CA12: variants seen among roughly 807,000 people sequenced by gnomAD.
CA12 encodes carbonate dehydratase XII.
CA12 carries 36 observed loss-of-function variants against 46.8 expected under a neutral mutation model. That is an observed-to-expected ratio of 0.77 (90% confidence interval 0.59 to 1.02). The LOEUF (loss-of-function observed/expected upper bound fraction) is 1.02, where lower values mean the gene tolerates loss of function less well. CA12 is among the 50% of genes least tolerant of loss of function. The pLI is 0.00. For missense variants in CA12, 436 were observed against 451.4 expected (o/e 0.97, Z 0.31); for synonymous variants, 202 against 187.0 (o/e 1.08, Z -0.65).
chr15:63,340,910 T>C lies in CA12; in HGVS notation c.526-127A>G, dbSNP rs989016036. The C allele has an allele frequency of 1.7e-5, 13 of 761,816 alleles. No homozygotes were observed. Among genetic ancestry groups the C allele is most frequent in the Non-Finnish European group, 2.3e-5 (10 of 425,652 alleles). The allele number at this position is 761,816 out of a possible 1,614,324, so 47.2% of individuals were successfully genotyped here. ...CCACTGCCTGAAGGATCCACTTTAC[T>C]GGACAATTATGATGGATCACTAGGC... On this transcript the variant is annotated intron_variant, in intron 5 of 10. Transcript: ENST00000178638. The surrounding 1 kb of genome is among the most constrained non-coding windows in gnomAD (Gnocchi z 4.4).
rs149132405 is a variant in CA12, at chr15:63,352,337, G to A, written c.107-5628C>T. ...CTCCCAAAGTGCTGGGAATACAGGC[G>A]CGAGCCACCGCACCCAGCCTGTGTT... is the stretch of plus-strand genomic sequence containing the variant. On this transcript the variant is annotated intron_variant, in intron 2 of 10. Coordinates refer to ENST00000178638, the MANE Select transcript of CA12 (RefSeq NM_001218.5). 4.4e-3 allele frequency among the ~76,000 whole-genome samples: 674 copies of A among 152,350 alleles called. 5 individuals are homozygous for A. The highest frequency in any genetic ancestry group is 6.4e-3 in the Non-Finnish European group (436 of 68,034).
rs754168299 is a variant in CA12, at chr15:63,330,520, G to A, written c.875-2390C>T. On this transcript the variant is annotated intron_variant, in intron 8 of 10. Coordinates refer to ENST00000178638, the MANE Select transcript of CA12 (RefSeq NM_001218.5). This position sits in a 1 kb window ranked among gnomAD's most constrained non-coding sequence, Gnocchi z 4.0. ...CTTACCACCTGGCTAAGCCATCCAG[G>A]CTGGATGGTTTCTAAAGTCATCTCT... 3.9e-4 allele frequency among the ~76,000 whole-genome samples: 59 copies of A among 152,160 alleles called. No homozygotes were observed. Among genetic ancestry groups the A allele is most frequent in the Non-Finnish European group, 6.8e-4 (46 of 68,030 alleles).
Position 63,345,516 on chromosome 15 carries a change from G to A in CA12, c.390C>T (p.Gly130=). The change falls in exon 4 of 11, where the codon GGC becomes GGT. Residue 130 remains glycine (G), a synonymous_variant. Coordinates refer to ENST00000178638, the MANE Select transcript of CA12 (RefSeq NM_001218.5). This position sits in a 1 kb window ranked among gnomAD's most constrained non-coding sequence, Gnocchi z 4.3. ...LHWGNPNDPH[G]SEHTVSGQHF... The stretch of plus-strand genomic sequence containing the variant: ...GCTGTCCGCTGACGGTGTGCTCAGA[G>A]CCGTGCGGGTCATTCGGGTTCCCCC... The A allele has an allele frequency of 6.2e-7, 1 of 1,611,990 alleles. No homozygotes were observed. Among genetic ancestry groups the A allele is most frequent in the South Asian group, 1.1e-5 (1 of 91,074 alleles).
At chr15:63,347,788 G>C (rs1481001288) in intron 2 of CA12, among the ~76,000 whole-genome samples, 1 of 152,188 alleles carries the variant, frequency 6.6e-6, no homozygotes, top group Admixed American at 6.5e-5. Flanking sequence ...GTAGACCCAG[G>C]GTGTCCTGTG....
rs374714507 is a variant in CA12 at position 63,367,172 on chromosome 15, C to T, written c.106+8486G>A. ...CTGACCTCAAGTGATCCACCCGCCT[C>T]GGCCTCCCAAGGTGCTGGGATTACA... On this transcript the variant is annotated intron_variant, in intron 2 of 10. Coordinates refer to ENST00000178638, the MANE Select transcript of CA12 (RefSeq NM_001218.5). Among the ~76,000 whole-genome samples, 20 of 152,270 alleles carry T rather than the reference C, an allele frequency of 1.3e-4. 1 individual carries two copies. Among genetic ancestry groups the T allele is most frequent in the Admixed American group, 7.8e-4 (12 of 15,294 alleles).
chr15:63,327,135 C>T lies in CA12; in HGVS notation c.992+14G>A. ...ATAGCTGTCCATTCCCATTTTGGACCCAAACCAGCTCACCTCTTCCTTCTG... is the reference window on the plus strand; with the variant it reads ...ATAGCTGTCCATTCCCATTTTGGACTCAAACCAGCTCACCTCTTCCTTCTG... On this transcript the variant is annotated intron_variant, in intron 10 of 10. Coordinates refer to ENST00000178638, the MANE Select transcript of CA12 (RefSeq NM_001218.5). This position sits in a 1 kb window ranked among gnomAD's most constrained non-coding sequence, Gnocchi z 4.5. The T allele has an allele frequency of 6.2e-7, 1 of 1,612,304 alleles. No homozygotes were observed. Among genetic ancestry groups the T allele is most frequent in the Non-Finnish European group, 8.5e-7 (1 of 1,178,450 alleles).
chr15:63,337,849 T>C (rs2039023012), intron 8 of CA12, among the ~76,000 whole-genome samples: 1 of 152,180 alleles, frequency 6.6e-6, no homozygotes, highest in East Asian at 1.9e-4. Flanking sequence ...AGTGCTGGGA[T>C]TGCAGGTGAG....
intron 2 of CA12, among the ~76,000 whole-genome samples, chr15:63,358,019 A>G (rs1162637174): frequency 6.6e-5 from 10 of 152,216 alleles, no homozygotes; most frequent in African/African-American, 2.4e-4. Flanking sequence ...AAGGGCCTTC[A>G]TGCCTTTTTA....
intron 1 of CA12, among the ~76,000 whole-genome samples, chr15:63,379,860 G>T (rs185697162): frequency 6.6e-6 from 1 of 152,256 alleles, no homozygotes; most frequent in East Asian, 1.9e-4. Flanking sequence ...CCAAAGCCAC[G>T]GCAACTAAGA....
intron 8 of CA12, among the ~76,000 whole-genome samples, chr15:63,332,870 T>A (rs184300265): frequency 4.8e-4 from 73 of 152,342 alleles, no homozygotes; most frequent in African/African-American, 1.7e-3. Context: ...CCAGGCACCA[T>A]GCCAGGCATA....
chr15:63,345,207 C>T lies in CA12; in HGVS notation c.429+270G>A, dbSNP rs2039130082. Among the ~76,000 whole-genome samples, 1 of 152,202 alleles carries T rather than the reference C, an allele frequency of 6.6e-6. No homozygotes were observed. The highest frequency in any genetic ancestry group is 2.4e-5 in the African/African-American group (1 of 41,458). ...GGGCATGTATGTCCCACTGGGCCAC[C>T]CTGGGAATACTGCCTCCCCAGCAGC... On this transcript the variant is annotated intron_variant, in intron 4 of 10. Transcript: ENST00000178638. The surrounding 1 kb of genome is among the most constrained non-coding windows in gnomAD (Gnocchi z 4.3).
chr15:63,351,685 C>CA (rs2039234257), intron 2 of CA12, among the ~76,000 whole-genome samples: 1 of 152,212 alleles, frequency 6.6e-6, no homozygotes, highest in Non-Finnish European at 1.5e-5. Flanking sequence ...GTCCACTCTT[C>CA]AAAGTCCAGC....
intron 2 of CA12, among the ~76,000 whole-genome samples, chr15:63,354,510 G>A (rs2039271325): frequency 6.6e-6 from 1 of 152,132 alleles, no homozygotes; most frequent in East Asian, 1.9e-4. Context: ...GATCAGTTGA[G>A]CCCAGGAGTT....
Position 63,346,575 on chromosome 15 carries a change from G to A in CA12, c.241C>T (p.Leu81=), listed in dbSNP as rs779351765. The A allele has an allele frequency of 6.2e-7, 1 of 1,612,112 alleles. No individual in the cohort carries two copies. Among genetic ancestry groups the A allele is most frequent in the Non-Finnish European group, 8.5e-7 (1 of 1,178,976 alleles). ...LTPLEFQGYN[L]SANKQFLLTN... Reference sequence around the variant, plus strand: ...AGGAGAAACTGCTTGTTGGCAGACAGATTGTAGCCTTGGAACTCGAGGGGC... The same window carrying A: ...AGGAGAAACTGCTTGTTGGCAGACAAATTGTAGCCTTGGAACTCGAGGGGC... The change falls in exon 3 of 11, where the codon CTG becomes TTG. Residue 81 remains leucine, a synonymous_variant. Transcript: ENST00000178638.
At chr15:63,356,875 C>A (rs747218034) in intron 2 of CA12, among the ~76,000 whole-genome samples, 3 of 152,282 alleles carry the variant, frequency 2.0e-5, no homozygotes, top group Non-Finnish European at 2.9e-5. Context: ...AAAGAGATAC[C>A]TGTACACCTG....
rs987753963 is a variant in CA12 at position 63,331,280 on chromosome 15, A to G, written c.875-3150T>C. ...AGAACTAGAACCTGAGTGCGAAGCC[A>G]AAGCCTGTTTCCCAGCAGAGCCTCG... is the stretch of plus-strand genomic sequence containing the variant. On this transcript the variant is annotated intron_variant, in intron 8 of 10. Transcript: ENST00000178638. The surrounding 1 kb of genome is among the most constrained non-coding windows in gnomAD (Gnocchi z 5.3). 1.3e-5 allele frequency among the ~76,000 whole-genome samples: 2 copies of G among 152,252 alleles called. No homozygotes were observed. Among genetic ancestry groups the G allele is most frequent in the Non-Finnish European group, 2.9e-5 (2 of 68,038 alleles).
Position 63,327,294 on chromosome 15 carries a change from G to C in CA12, c.908-61C>G. 1.5e-6 allele frequency: 2 copies of C among 1,336,366 alleles called. No individual in the cohort carries two copies. The highest frequency in any genetic ancestry group is 2.1e-6 in the Non-Finnish European group (2 of 941,504). The allele number at this position is 1,336,366 out of a possible 1,614,324, so 82.8% of individuals were successfully genotyped here. A position where few individuals can be genotyped will look rare whatever the true frequency, so the allele number is the denominator to read the frequency against. On this transcript the variant is annotated intron_variant, in intron 9 of 10. Coordinates refer to ENST00000178638, the MANE Select transcript of CA12 (RefSeq NM_001218.5). The surrounding 1 kb of genome is among the most constrained non-coding windows in gnomAD (Gnocchi z 4.5). ...TCCTTCCCCTCCATCTTAGCCCATGGCCCCCGGGTGTGAAATCATGGCCCA... is the reference window on the plus strand; with the variant it reads ...TCCTTCCCCTCCATCTTAGCCCATGCCCCCCGGGTGTGAAATCATGGCCCA...
chr15:63,332,317 A>AGTAG (rs2038947240), intron 8 of CA12, among the ~76,000 whole-genome samples: 1 of 152,256 alleles, frequency 6.6e-6, no homozygotes, highest in African/African-American at 2.4e-5. Context: ...GCAACCCAAA[A>AGTAG]CAAGAATTGC....
At position 63,374,197 on chromosome 15, in the gene CA12, C is replaced by A. The variant is rs2039542483; in HGVS notation, c.106+1461G>T. On this transcript the variant is annotated intron_variant, in intron 2 of 10. Coordinates refer to ENST00000178638, the MANE Select transcript of CA12 (RefSeq NM_001218.5). This position sits in a 1 kb window ranked among gnomAD's most constrained non-coding sequence, Gnocchi z 4.4. Reference sequence around the variant, plus strand: ...TGTTTGACCCAGCCTATCTCTCTGACCTTAGAGCCCGTGACTCCGCTATCA... The same window carrying A: ...TGTTTGACCCAGCCTATCTCTCTGAACTTAGAGCCCGTGACTCCGCTATCA... Among the ~76,000 whole-genome samples the A allele has an allele frequency of 6.6e-6, 1 of 152,142 alleles. No homozygotes were observed. The highest frequency in any genetic ancestry group is 1.9e-4 in the East Asian group (1 of 5,200).
Sources: allele counts gnomAD v4.1 joint callset (sites outside exome capture counted in the v4.1 genomes callset), GRCh38; gene constraint gnomAD v4.1.1; non-coding constraint Gnocchi (gnomAD v3.1); transcripts MANE v1.5; gene names NCBI Gene and HGNC (gene_info 2026-07-23, HGNC 2026-07-21).